BTBD9: variants seen among roughly 807,000 people sequenced by gnomAD.
BTBD9 encodes the protein BTB domain containing 9, also known as BTB/POZ domain-containing protein 9.
A neutral mutation model predicts 64.3 loss-of-function variants in BTBD9; 49 were observed. The ratio of observed to expected loss-of-function variants is 0.76; its 90% CI spans 0.61 to 0.97. BTBD9 has a LOEUF of 0.97. Ranked by LOEUF, BTBD9 falls within the 50% of genes least tolerant of loss-of-function variation. The probability of loss-of-function intolerance (pLI) is 0.00; values close to 1 mark genes in which losing one functional copy is unlikely to be tolerated. For synonymous variants in BTBD9, 260 were observed against 274.7 expected (o/e 0.95, Z 0.53); for missense variants, 598 against 762.1 (o/e 0.78, Z 2.53).
At chr6:38,311,886 G>A (rs879398676) in intron 7 of BTBD9, among the ~76,000 whole-genome samples, 1 of 151,306 alleles carries the variant, frequency 6.6e-6, no homozygotes, top group Non-Finnish European at 1.5e-5. Flanking sequence ...TTTTGAGACT[G>A]AGTCTTACTC....
Position 38,343,446 on chromosome 6 carries a change from C to T in BTBD9, c.1264+1538G>A, listed in dbSNP as rs188622552. Among the ~76,000 whole-genome samples, 292 of 152,240 alleles carry T rather than the reference C, an allele frequency of 1.9e-3. 1 individual carries two copies. Among genetic ancestry groups the T allele is most frequent in the African/African-American group, 5.8e-3 (242 of 41,538 alleles). On this transcript the variant is annotated intron_variant, in intron 7 of 10. Transcript: ENST00000481247. ...CTGAGCTGAAATGAGTAGCCAAATG[C>T]TACACATCTTGTAAATAAGAAGGGT...
rs1178680013 is a variant in BTBD9 at position 38,184,561 on chromosome 6, T to C, written c.1641+7958A>G. Among the ~76,000 whole-genome samples the C allele has an allele frequency of 8.5e-5, 13 of 152,190 alleles. No homozygotes were observed. On this transcript the variant is annotated intron_variant, in intron 10 of 10. Transcript: ENST00000481247. This position sits in a 1 kb window ranked among gnomAD's most constrained non-coding sequence, Gnocchi z 4.4. Reference sequence around the variant, plus strand: ...GCCTCTCCATTTGCTCTCTCTGTGCTCTGCCACAGAGCACAGAGAGCGCCC... The same window carrying C: ...GCCTCTCCATTTGCTCTCTCTGTGCCCTGCCACAGAGCACAGAGAGCGCCC...
chr6:38,315,292 G>T (rs921266455), intron 7 of BTBD9, among the ~76,000 whole-genome samples: 11 of 152,122 alleles, frequency 7.2e-5, no homozygotes, highest in Admixed American at 3.9e-4. Context: ...CTTCTGCTCT[G>T]ATCTTTATTC....
chr6:38,545,606 C>T (rs1330104652), intron 6 of BTBD9, among the ~76,000 whole-genome samples: 2 of 151,594 alleles, frequency 1.3e-5, no homozygotes, highest in East Asian at 2.0e-4. Context: ...GGTGAAACCC[C>T]GTCTCTACTA....
chr6:38,292,822 G>C (rs1044960172), intron 7 of BTBD9, among the ~76,000 whole-genome samples: 11 of 152,106 alleles, frequency 7.2e-5, no homozygotes, highest in African/African-American at 2.4e-4. Flanking sequence ...ATCTCCTTCA[G>C]TTCTGCTCTC....
chr6:38,394,978 A>G (rs1379819969), intron 6 of BTBD9, among the ~76,000 whole-genome samples: 2 of 149,942 alleles, frequency 1.3e-5, no homozygotes, highest in Non-Finnish European at 3.0e-5. Flanking sequence ...AAAAAAAAAG[A>G]AAAAAGAGAC....
chr6:38,580,759 AG>A (rs1299840170), intron 4 of BTBD9, among the ~76,000 whole-genome samples: 3 of 152,106 alleles, frequency 2.0e-5, no homozygotes, highest in African/African-American at 7.2e-5. Context: ...AAATGTTCAG[AG>A]TTTAAATGTA....
At chr6:38,366,392 G>T (rs1258299026) in intron 6 of BTBD9, among the ~76,000 whole-genome samples, 1 of 152,058 alleles carries the variant, frequency 6.6e-6, no homozygotes, top group African/African-American at 2.4e-5. Context: ...CAGCTATCTG[G>T]AGTCACCAAG....
intron 8 of BTBD9, among the ~76,000 whole-genome samples, chr6:38,276,055 T>C (rs1761226926): frequency 6.6e-6 from 1 of 152,134 alleles, no homozygotes; most frequent in South Asian, 2.1e-4. Flanking sequence ...CACACATATG[T>C]TTATTGCGGC....
chr6:38,206,505 T>G (rs1185593877), intron 9 of BTBD9, among the ~76,000 whole-genome samples: 1 of 151,816 alleles, frequency 6.6e-6, no homozygotes, highest in African/African-American at 2.4e-5. Flanking sequence ...CCTCCCAAAG[T>G]GCTGGGATTA....
At chr6:38,197,199 A>G (rs1014502797) in intron 9 of BTBD9, among the ~76,000 whole-genome samples, 2 of 152,204 alleles carry the variant, frequency 1.3e-5, no homozygotes, top group Admixed American at 6.5e-5. Context: ...TTGGTTCCCA[A>G]CACAATCTTT....
At chr6:38,310,793 C>CTTTGTTTTGTTTTGT (rs112925381) in intron 7 of BTBD9, among the ~76,000 whole-genome samples, 28 of 151,038 alleles carry the variant, frequency 1.9e-4, no homozygotes, top group African/African-American at 4.6e-4. Context: ...ACCCTTCTAG[C>CTTTGTTTTGTTTTGT]TTTGTTTTGT....
intron 6 of BTBD9, among the ~76,000 whole-genome samples, chr6:38,346,956 C>G (rs1764306091): frequency 6.6e-6 from 1 of 152,196 alleles, no homozygotes; most frequent in African/African-American, 2.4e-5. Context: ...AGAGACAGCT[C>G]TCCTACTGTG....
rs562552649 is a variant in BTBD9, at chr6:38,571,260, C to T, written c.1154+6340G>A. Among the ~76,000 whole-genome samples the T allele has an allele frequency of 1.3e-4, 20 of 152,150 alleles. No homozygotes were observed. In the South Asian group the frequency reaches 3.7e-3, roughly 28 times the overall value. On this transcript the variant is annotated intron_variant, in intron 6 of 10. Coordinates refer to ENST00000481247, the MANE Select transcript of BTBD9 (RefSeq NM_001099272.2). ...ACACTGAATAATGTAAGAGTGTCTA[C>T]CTTTAAAAGTAAATAGATACATCAA...
intron 7 of BTBD9, among the ~76,000 whole-genome samples, chr6:38,309,570 G>A (rs1346567881): frequency 2.6e-5 from 4 of 151,088 alleles, no homozygotes; most frequent in Admixed American, 6.6e-5. Flanking sequence ...GCACCACCAC[G>A]CCCAGCTAAC....
In BTBD9 at chr6:38,465,346, G is replaced by T. The variant is rs368816854; in HGVS notation, c.1154+112254C>A. Among the ~76,000 whole-genome samples, 16 of 151,206 alleles carry T rather than the reference G, an allele frequency of 1.1e-4. 1 individual carries two copies. The East Asian group carries it at 1.8e-3, about 17-fold the overall frequency. On this transcript the variant is annotated intron_variant, in intron 6 of 10. Coordinates refer to ENST00000481247, the MANE Select transcript of BTBD9 (RefSeq NM_001099272.2). ...ATATATGGGTACTCAGGCCGGGTGC[G>T]GTGGCTCACGCCTGTAATCCCAGCA...
intron 6 of BTBD9, among the ~76,000 whole-genome samples, chr6:38,417,800 G>GAGAGAGAGA (rs1554149297): frequency 3.6e-4 from 51 of 143,036 alleles, no homozygotes; most frequent in African/African-American, 1.4e-3. Context: ...GAGAGAGAGA[G>GAGAGAGAGA]AAAAAAAATA....
At position 38,577,662 on chromosome 6, in the gene BTBD9, T is replaced by G. The variant is rs750281932; in HGVS notation, c.1092A>C (p.Ile364=). ...SMDELDWVRV[I]DHSQYLCRSW... is the part of the protein sequence containing the mutation. ...AACGACACAGATATTGTGAATGATCTATCACTCTGACCCAATCAAGTTCAT... is the reference window on the plus strand; with the variant it reads ...AACGACACAGATATTGTGAATGATCGATCACTCTGACCCAATCAAGTTCAT... Residue 364 remains isoleucine (I), a synonymous_variant, in exon 6 of 11, where the codon ATA becomes ATC. Coordinates refer to ENST00000481247, the MANE Select transcript of BTBD9 (RefSeq NM_001099272.2). 31 of 1,610,572 alleles carry G rather than the reference T, an allele frequency of 1.9e-5. No homozygotes were observed. Among genetic ancestry groups the G allele is most frequent in the Non-Finnish European group, 2.6e-5 (31 of 1,179,318 alleles).
At chr6:38,250,273 C>G (rs1764347073) in intron 9 of BTBD9, among the ~76,000 whole-genome samples, 1 of 152,176 alleles carries the variant, frequency 6.6e-6, no homozygotes. Context: ...CATAAACAAT[C>G]TGTTCAAAAT....
Sources: gnomAD v4.1 joint callset for allele counts (sites outside exome capture counted in the v4.1 genomes callset) on GRCh38, gnomAD v4.1.1 for gene constraint, Gnocchi (gnomAD v3.1) non-coding constraint, MANE v1.5 for transcripts, NCBI Gene and HGNC (gene_info 2026-07-23, HGNC 2026-07-21) for gene names.